Variants in SNX18 observed in about 807,000 individuals in gnomAD.
SNX18 encodes sorting nexin-18.
In SNX18, 35 loss-of-function variants were observed where a neutral mutation model predicts 48.7. The ratio of observed to expected loss-of-function variants is 0.72; its 90% CI spans 0.55 to 0.95. SNX18 has a LOEUF of 0.95. SNX18 is among the 40% of genes least tolerant of loss of function. SNX18 has a pLI of 0.00. For missense variants in SNX18, 824 were observed against 871.0 expected (o/e 0.95, Z 0.68); for synonymous variants, 492 against 384.7 (o/e 1.28, Z -3.26).
chr5:54,564,560 A>G, the SNX18 span, among the ~76,000 whole-genome samples: 198 of 152,260 alleles, frequency 1.3e-3, no homozygotes, highest in African/African-American at 4.5e-3. Flanking sequence ...CTGGGCTAAA[A>G]TCAAGATGTT....
At position 54,517,926 on chromosome 5, in the gene SNX18, G is replaced by A. The variant is rs1345786483; in HGVS notation, c.-27G>A. 6.7e-7 allele frequency: 1 copy of A among 1,487,230 alleles called. No individual in the cohort carries two copies. The highest frequency in any genetic ancestry group is 2.3e-5 in the Admixed American group (1 of 43,188). 92.1% of individuals were successfully genotyped at this position (1,487,230 alleles called of 1,614,324 possible). On this transcript the variant is annotated 5_prime_UTR_variant, in exon 1 of 2. Coordinates refer to ENST00000381410, the MANE Select transcript of SNX18 (RefSeq NM_001102575.2). ...GCCTCGGCTCGGGACGCCGGGAGTC[G>A]GGACCGCCAGTCGGGGCGCCGGGAC...
chr5:54,537,321 C>A (rs1319856770), intron 1 of SNX18, among the ~76,000 whole-genome samples: 1 of 152,228 alleles, frequency 6.6e-6, no homozygotes, highest in Non-Finnish European at 1.5e-5. Context: ...TATATTCACA[C>A]TGGTCTGTAT....
At chr5:54,553,355 C>G in the SNX18 span, among the ~76,000 whole-genome samples, 1 of 152,032 alleles carries the variant, frequency 6.6e-6, no homozygotes. Context: ...TGGTGGCCAC[C>G]ATGTCCCCAG....
the SNX18 span, among the ~76,000 whole-genome samples, chr5:54,555,451 C>T: frequency 1.3e-5 from 2 of 151,254 alleles, no homozygotes; most frequent in African/African-American, 4.9e-5. Flanking sequence ...CTCAGGTGAT[C>T]CTCAACCCTC....
At chr5:54,633,381 G>A in the SNX18 span, among the ~76,000 whole-genome samples, 1 of 152,128 alleles carries the variant, frequency 6.6e-6, no homozygotes, top group East Asian at 1.9e-4. Flanking sequence ...CTTAGATCCT[G>A]AGTCTTGGTT....
At chr5:54,594,762 G>A in the SNX18 span, among the ~76,000 whole-genome samples, 8 of 152,092 alleles carry the variant, frequency 5.3e-5, no homozygotes, top group African/African-American at 1.7e-4. Context: ...TTTGGGGTAC[G>A]ATTGATCCTA....
At chr5:54,548,991 C>T (rs1762614460), downstream of SNX18, among the ~76,000 whole-genome samples, 1 of 152,198 alleles carries the variant, frequency 6.6e-6, no homozygotes, top group South Asian at 2.1e-4. Context: ...AATACAATGT[C>T]AGGGCTATGT....
chr5:54,542,667 C>A (rs913366899), intron 1 of SNX18, among the ~76,000 whole-genome samples: 2 of 152,204 alleles, frequency 1.3e-5, no homozygotes, highest in African/African-American at 4.8e-5. Context: ...CAAAACACAA[C>A]CTGTGTTGGT....
the SNX18 span, among the ~76,000 whole-genome samples, chr5:54,564,734 T>C: frequency 6.6e-6 from 1 of 152,296 alleles, no homozygotes; most frequent in African/African-American, 2.4e-5. Flanking sequence ...GGTACGTGCC[T>C]GTAGTCCCAG....
the SNX18 span, among the ~76,000 whole-genome samples, chr5:54,611,555 A>G: frequency 2.6e-5 from 4 of 152,188 alleles, no homozygotes; most frequent in African/African-American, 7.2e-5. Context: ...CTCTCCAGGA[A>G]CAACTTAAGG....
chr5:54,560,068 C>T, the SNX18 span, among the ~76,000 whole-genome samples: 1 of 152,122 alleles, frequency 6.6e-6, no homozygotes, highest in African/African-American at 2.4e-5. Context: ...GACAGTGTGG[C>T]GATTCCTCAA....
At chr5:54,525,992 TACC>T (rs1762125154) in intron 1 of SNX18, among the ~76,000 whole-genome samples, 1 of 152,202 alleles carries the variant, frequency 6.6e-6, no homozygotes, top group Non-Finnish European at 1.5e-5. Flanking sequence ...AAGTGATTAA[TACC>T]TGGCCTGCTG....
At chr5:54,548,751 C>A (rs868185359), downstream of SNX18, among the ~76,000 whole-genome samples, 1 of 152,142 alleles carries the variant, frequency 6.6e-6, no homozygotes, top group African/African-American at 2.4e-5. Flanking sequence ...CATCATGTGA[C>A]CATGGGCTAG....
chr5:54,599,304 A>G, the SNX18 span, among the ~76,000 whole-genome samples: 1 of 152,172 alleles, frequency 6.6e-6, no homozygotes, highest in Admixed American at 6.5e-5. Context: ...AAGGAGAACT[A>G]TAAACTTCTG....
chr5:54,583,578 C>T, the SNX18 span, among the ~76,000 whole-genome samples: 2 of 152,194 alleles, frequency 1.3e-5, no homozygotes, highest in Non-Finnish European at 1.5e-5. Context: ...CTTTTCCCAC[C>T]TATTAGTCGT....
chr5:54,602,234 C>T, the SNX18 span, among the ~76,000 whole-genome samples: 1 of 152,134 alleles, frequency 6.6e-6, no homozygotes, highest in Non-Finnish European at 1.5e-5. Context: ...AGACCTGAGG[C>T]TGCCTATCTG....
chr5:54,594,335 C>A, the SNX18 span, among the ~76,000 whole-genome samples: 1 of 152,264 alleles, frequency 6.6e-6, no homozygotes, highest in East Asian at 1.9e-4. Flanking sequence ...GATTGTGTGA[C>A]CATATGCATT....
intron 1 of SNX18, among the ~76,000 whole-genome samples, chr5:54,540,949 C>T (rs377741774): frequency 1.3e-5 from 2 of 152,120 alleles, no homozygotes; most frequent in African/African-American, 2.4e-5. Flanking sequence ...TGTATTTTAT[C>T]GCTACACATT....
In SNX18 at chr5:54,527,358, C is replaced by CGG. The variant is rs11355195; in HGVS notation, c.1621+7795_1621+7796dup. On this transcript the variant is annotated intron_variant, in intron 1 of 1. Transcript: ENST00000381410. The stretch of plus-strand genomic sequence containing the variant: ...ACAACAGAGGTGGTGGTCGGGGAGC[C>CGG]GGGGGGGGGGGTCCCCCTCCAGCTA... Among the ~76,000 whole-genome samples, 513 of 140,714 alleles carry CGG rather than the reference C, an allele frequency of 3.6e-3. 9 individuals are homozygous for CGG. Among genetic ancestry groups the CGG allele is most frequent in the Non-Finnish European group, 5.8e-3 (365 of 63,050 alleles). The allele number at this position is 140,714 out of a possible 152,430, so 92.3% of individuals were successfully genotyped here.
Sources: allele counts gnomAD v4.1 joint callset (sites outside exome capture counted in the v4.1 genomes callset), GRCh38; gene constraint gnomAD v4.1.1; transcripts MANE v1.5; gene names NCBI Gene and HGNC (gene_info 2026-07-23, HGNC 2026-07-21).